Variants in SIPA1L1 observed in about 807,000 individuals in gnomAD.
SIPA1L1 encodes signal-induced proliferation-associated 1-like protein 1.
In SIPA1L1, 26 loss-of-function variants were observed where a neutral mutation model predicts 162.7. That is an observed-to-expected ratio of 0.16 (90% CI 0.12 to 0.22). The LOEUF (loss-of-function observed/expected upper bound fraction) is 0.22, where lower values mean the gene tolerates loss of function less well. SIPA1L1 is among the 10% of genes least tolerant of loss of function. The probability of loss-of-function intolerance (pLI) is 1.00; values close to 1 mark genes in which losing one functional copy is unlikely to be tolerated. For missense variants in SIPA1L1, 1,874 were observed against 2,241.0 expected (o/e 0.84, Z 3.31); for synonymous variants, 829 against 837.4 (o/e 0.99, Z 0.17).
intron 2 of SIPA1L1, among the ~76,000 whole-genome samples, chr14:71,495,886 C>CAAA (rs61183823): frequency 0.038 from 1,365 of 35,720 alleles, no homozygotes; most frequent in Non-Finnish European, 0.047. Flanking sequence ...TCCATCTCTA[C>CAAA]AAAAAAAAAA....
chr14:71,585,862 A>G (rs1370785364), intron 4 of SIPA1L1, among the ~76,000 whole-genome samples: 2 of 152,088 alleles, frequency 1.3e-5, no homozygotes, highest in Admixed American at 6.5e-5. Flanking sequence ...CAGTTGTTCA[A>G]TTTTCCTTCC....
chr14:71,330,372 G>T, intron 2 of SIPA1L1: 1 of 954,346 alleles, frequency 1.0e-6, no homozygotes, highest in Non-Finnish European at 1.7e-6. Context: ...GATGAAAATT[G>T]TAGGGAAAGA....
At chr14:71,546,376 C>CTTTTTTTTTT (rs11480749) in intron 4 of SIPA1L1, among the ~76,000 whole-genome samples, 6 of 116,926 alleles carry the variant, frequency 5.1e-5, no homozygotes, top group South Asian at 2.8e-4. Flanking sequence ...CTTTTTCTTT[C>CTTTTTTTTTT]TTTTTTTTTT....
At chr14:71,705,842 G>A (rs1335944722) in intron 16 of SIPA1L1, among the ~76,000 whole-genome samples, 1 of 151,972 alleles carries the variant, frequency 6.6e-6, no homozygotes, top group African/African-American at 2.4e-5. Flanking sequence ...TTTCGCTATA[G>A]TAATACACAA....
intron 4 of SIPA1L1, among the ~76,000 whole-genome samples, chr14:71,580,013 T>A (rs2033693052): frequency 6.6e-6 from 1 of 152,202 alleles, no homozygotes; most frequent in East Asian, 1.9e-4. Context: ...ATCGCCAATG[T>A]TAGCAGCCTG....
chr14:71,686,599 A>G (rs1361371607), intron 13 of SIPA1L1, among the ~76,000 whole-genome samples: 1 of 151,678 alleles, frequency 6.6e-6, no homozygotes, highest in East Asian at 1.9e-4. Flanking sequence ...GCTGGAGTGC[A>G]GTGGTGCTAT....
intron 22 of SIPA1L1, among the ~76,000 whole-genome samples, chr14:71,737,799 G>A (rs933209777): frequency 5.3e-5 from 8 of 152,054 alleles, no homozygotes; most frequent in African/African-American, 1.4e-4. Flanking sequence ...GACCAGAGAC[G>A]ACCTGCCTAT....
chr14:71,735,474 C>A (rs1474868340), intron 22 of SIPA1L1, 83 bp downstream of exon 22: 2 of 956,464 alleles, frequency 2.1e-6, no homozygotes, highest in African/African-American at 1.6e-5. Flanking sequence ...GAGATGGAAG[C>A]CACACGGAGT....
intron 4 of SIPA1L1, among the ~76,000 whole-genome samples, chr14:71,568,249 C>G (rs761619331): frequency 1.3e-5 from 2 of 152,062 alleles, no homozygotes; most frequent in Non-Finnish European, 2.9e-5. Flanking sequence ...ACATATTTCT[C>G]TCCTCCCTTT....
At chr14:71,466,890 C>T (rs1190904809) in intron 2 of SIPA1L1, among the ~76,000 whole-genome samples, 2 of 152,100 alleles carry the variant, frequency 1.3e-5, no homozygotes. Flanking sequence ...TTTTCTCTTC[C>T]ATAGTAGTTC....
intron 2 of SIPA1L1, among the ~76,000 whole-genome samples, chr14:71,324,737 T>G (rs2140174586): frequency 6.6e-6 from 1 of 152,390 alleles, no homozygotes; most frequent in East Asian, 1.9e-4. Flanking sequence ...GGTTCATCTT[T>G]TTCTTCTCTT....
chr14:71,654,485 T>C (rs2042894925), intron 8 of SIPA1L1, among the ~76,000 whole-genome samples: 1 of 152,214 alleles, frequency 6.6e-6, no homozygotes, highest in African/African-American at 2.4e-5. Flanking sequence ...ACAGGAGACT[T>C]AGAAGCCGTT....
chr14:71,494,414 A>G (rs2049547985), intron 2 of SIPA1L1, among the ~76,000 whole-genome samples: 3 of 151,932 alleles, frequency 2.0e-5, no homozygotes, highest in Admixed American at 1.3e-4. Context: ...GTTGTATTAA[A>G]TTAATTGACT....
intron 4 of SIPA1L1, among the ~76,000 whole-genome samples, chr14:71,538,780 A>G (rs572967363): frequency 4.6e-5 from 7 of 152,288 alleles, no homozygotes; most frequent in Admixed American, 3.9e-4. Context: ...ACAAGACGGC[A>G]AAGTAGTCCC....
At chr14:71,676,988 C>A (rs931159421) in intron 12 of SIPA1L1, among the ~76,000 whole-genome samples, 4 of 152,142 alleles carry the variant, frequency 2.6e-5, no homozygotes, top group Non-Finnish European at 4.4e-5. Flanking sequence ...TGGGTGTATA[C>A]CCAGTAATGG....
At position 71,619,828 on chromosome 14, in the gene SIPA1L1, G is replaced by A. The variant is rs571405375; in HGVS notation, c.1629+941G>A. ...GTAATAGTTCCTAAGCCTGAACTCC[G>A]GGGAAATTAAATATAGGACTTTTAA... On this transcript the variant is annotated intron_variant, in intron 6 of 23. Transcript: ENST00000381232. Among the ~76,000 whole-genome samples, 13 of 152,206 alleles carry A rather than the reference G, an allele frequency of 8.5e-5. No homozygotes were observed. In the South Asian group the frequency reaches 1.5e-3, roughly 17 times the overall value.
chr14:71,486,150 C>T (rs1287611646), intron 2 of SIPA1L1, among the ~76,000 whole-genome samples: 5 of 152,086 alleles, frequency 3.3e-5, no homozygotes, highest in Non-Finnish European at 5.9e-5. Flanking sequence ...TTTTTAATAC[C>T]CTAAATGTAT....
intron 12 of SIPA1L1, among the ~76,000 whole-genome samples, chr14:71,677,960 C>CT (rs924239060): frequency 5.7e-4 from 86 of 152,186 alleles, no homozygotes; most frequent in Non-Finnish European, 6.0e-4. Flanking sequence ...AATGTGGGCT[C>CT]TTTTTTTGGT....
rs2034947020 is a variant in SIPA1L1, at chr14:71,589,159, C to T, written c.1287C>T (p.Ile429=). 2.5e-6 allele frequency: 4 copies of T among 1,614,026 alleles called. No individual in the cohort carries two copies. In the Admixed American group the frequency reaches 5.0e-5, roughly 20 times the overall value. The change falls in exon 5 of 24, where the codon ATC becomes ATT. Residue 429 remains isoleucine, a synonymous_variant. Coordinates refer to ENST00000381232, the MANE Select transcript of SIPA1L1 (RefSeq NM_001386936.1). The part of the protein sequence containing the change: ...NEIGGEGERK[I]SLSKSNSGSF... ...TAGGTGGAGAAGGGGAGAGGAAAAT[C>T]AGCCTTTCAAAATCAAATTCTGGCT...
Sources: allele counts gnomAD v4.1 joint callset (sites outside exome capture counted in the v4.1 genomes callset), GRCh38; gene constraint gnomAD v4.1.1; transcripts MANE v1.5; gene names NCBI Gene and HGNC (gene_info 2026-07-23, HGNC 2026-07-21).